The following WASHC4 variants were observed in gnomAD, a reference collection of about 807,000 sequenced individuals.
WASHC4 encodes the protein WASH complex subunit 7.
Under a neutral mutation model 166.6 loss-of-function variants are expected in WASHC4, and 86 were observed. The observed-to-expected ratio is 0.52, with a 90% confidence interval of 0.43 to 0.62. WASHC4 has a LOEUF of 0.62. WASHC4 is among the 20% of genes least tolerant of loss of function. WASHC4 has a pLI of 0.00. For missense variants in WASHC4, 1,262 were observed against 1,382.4 expected (o/e 0.91, Z 1.38); for synonymous variants, 446 against 451.6 (o/e 0.99, Z 0.16).
intron 27 of WASHC4, 72 bp from the exon 28 acceptor site, chr12:105,157,164 C>A: frequency 2.5e-6 from 2 of 796,342 alleles, no homozygotes; most frequent in Non-Finnish European, 2.2e-6. Flanking sequence ...TCCTGCAGTA[C>A]CACTTTTATA....
At chr12:105,122,329 T>A (rs539469320) in intron 10 of WASHC4, 91 bp downstream of exon 10, 9 of 1,331,334 alleles carry the variant, frequency 6.8e-6, no homozygotes, top group Non-Finnish European at 9.5e-6. Context: ...AATATACTGT[T>A]GAATATAATT....
chr12:105,166,609 C>A (rs1402741593), intron 32 of WASHC4, among the ~76,000 whole-genome samples: 1 of 152,032 alleles, frequency 6.6e-6, no homozygotes. Context: ...GAAGCCCCAC[C>A]CCAATACAGG....
intron 1 of WASHC4, among the ~76,000 whole-genome samples, chr12:105,109,292 A>G (rs1304989677): frequency 6.6e-6 from 1 of 152,140 alleles, no homozygotes; most frequent in Non-Finnish European, 1.5e-5. Context: ...ATTGGAATAG[A>G]GTTATGTTAA....
chr12:105,151,599 A>C (rs1378013589), intron 25 of WASHC4, among the ~76,000 whole-genome samples: 2 of 151,930 alleles, frequency 1.3e-5, no homozygotes, highest in African/African-American at 4.8e-5. Context: ...CTCCTGCCTC[A>C]GCCCCCTGAG....
rs958876294 is a variant in WASHC4, at chr12:105,115,346, A to AT, written c.367+123dup. ...TAGTGTGAGAAAAATAAGTATTCAT[A>AT]TTTTTTGTTGGTATGTTTGGTAAAC... On this transcript the variant is annotated intron_variant, in intron 5 of 32. Coordinates refer to ENST00000332180, the MANE Select transcript of WASHC4 (RefSeq NM_015275.3). 4 of 782,162 alleles carry AT rather than the reference A, an allele frequency of 5.1e-6. No individual in the cohort carries two copies. The African/African-American group carries it at 5.2e-5, about 10-fold the overall frequency. 48.5% of individuals were successfully genotyped at this position (782,162 alleles called of 1,614,324 possible).
intron 6 of WASHC4, among the ~76,000 whole-genome samples, chr12:105,116,885 G>C (rs1234007475): frequency 6.6e-6 from 1 of 152,132 alleles, no homozygotes; most frequent in Non-Finnish European, 1.5e-5. Flanking sequence ...GGATTGCCAG[G>C]ATCTGGGAGC....
At chr12:105,112,936 C>G (rs1173597006) in intron 2 of WASHC4, among the ~76,000 whole-genome samples, 1 of 152,096 alleles carries the variant, frequency 6.6e-6, no homozygotes, top group Non-Finnish European at 1.5e-5. Context: ...GACTCCAGAG[C>G]CTGTGCCCTT....
chr12:105,164,411 C>CA, intron 31 of WASHC4, 104 bp downstream of exon 31: 2 of 1,031,670 alleles, frequency 1.9e-6, no homozygotes, highest in Non-Finnish European at 3.0e-6. Context: ...ACCATTTTCA[C>CA]AAGTGAGATG....
chr12:105,148,851 T>C lies in WASHC4; in HGVS notation c.2515-764T>C, dbSNP rs150223486. The stretch of plus-strand genomic sequence containing the variant: ...TGCCTGTAGGTTGGAATTAATCTTT[T>C]GCTATTTCCATCTGTAGGTTAGAAT... On this transcript the variant is annotated intron_variant, in intron 24 of 32. Coordinates refer to ENST00000332180, the MANE Select transcript of WASHC4 (RefSeq NM_015275.3). 3,938 of 985,316 alleles carry C rather than the reference T, an allele frequency of 4.0e-3. 9 individuals carry two copies. The highest frequency in any genetic ancestry group is 4.4e-3 in the Non-Finnish European group (3,633 of 829,826). 61.0% of individuals were successfully genotyped at this position (985,316 alleles called of 1,614,324 possible). A position where few individuals can be genotyped will look rare whatever the true frequency, so the allele number is the denominator to read the frequency against.
intron 13 of WASHC4, among the ~76,000 whole-genome samples, chr12:105,129,000 C>T (rs60887341): frequency 0.058 from 8,607 of 149,608 alleles, 850 homozygotes; most frequent in African/African-American, 0.2. Context: ...GGCTGGAGTG[C>T]AGTGGTGTGA....
At chr12:105,116,431 G>T (rs139598757) in intron 6 of WASHC4, among the ~76,000 whole-genome samples, 1,746 of 152,158 alleles carry the variant, frequency 0.011, 59 homozygotes, top group Admixed American at 0.073. Context: ...TTCATATTGT[G>T]ATATGTGTTA....
chr12:105,141,460 C>T (rs376061095), intron 18 of WASHC4, among the ~76,000 whole-genome samples: 1 of 152,186 alleles, frequency 6.6e-6, no homozygotes, highest in African/African-American at 2.4e-5. Flanking sequence ...TAGAAAAACT[C>T]ACATGAGAAA....
intron 26 of WASHC4, 77 bp from the exon 27 acceptor site, chr12:105,156,649 T>C: frequency 8.3e-7 from 1 of 1,198,958 alleles, no homozygotes; most frequent in South Asian, 1.3e-5. Context: ...TGTAATTTAC[T>C]ACTGTATGTA....
At chr12:105,131,303 G>A (rs943062661) in intron 13 of WASHC4, among the ~76,000 whole-genome samples, 6 of 150,864 alleles carry the variant, frequency 4.0e-5, no homozygotes, top group African/African-American at 1.5e-4. Flanking sequence ...AGCCAGGATG[G>A]TCTCGATCTC....
chr12:105,151,170 A>G (rs12823030), intron 25 of WASHC4, among the ~76,000 whole-genome samples: 4 of 135,560 alleles, frequency 3.0e-5, no homozygotes, highest in Non-Finnish European at 4.8e-5. Context: ...AAAAAAAAAA[A>G]GAACGCCGTT....
chr12:105,127,326 A>G (rs774251446), intron 13 of WASHC4, 37 bp downstream of exon 13: 6 of 1,368,068 alleles, frequency 4.4e-6, no homozygotes, highest in East Asian at 4.6e-5. Flanking sequence ...AAATATTTAG[A>G]TATCCTTTAT....
Position 105,141,247 on chromosome 12 carries a change from G to GT in WASHC4, c.1787+2dup, listed in dbSNP as rs1211137829. ...ATCTTATTAGTGAACTTAGAGAACG[G>GT]TAAGTAGGACTGGGATATGCTGTGG... On this transcript the variant is annotated splice_donor_variant, in intron 18 of 32. Coordinates refer to ENST00000332180, the MANE Select transcript of WASHC4 (RefSeq NM_015275.3). LOFTEE classifies it high-confidence loss of function. 2 of 1,588,550 alleles carry GT rather than the reference G, an allele frequency of 1.3e-6. No individual in the cohort carries two copies. Among genetic ancestry groups the GT allele is most frequent in the Non-Finnish European group, 1.7e-6 (2 of 1,156,840 alleles).
In WASHC4 at chr12:105,143,150, C is replaced by A. The variant is rs1883009189; in HGVS notation, c.1917C>A (p.Asp639Glu). The change falls in exon 20 of 33, where the codon GAC becomes GAA. Residue 639 changes from aspartate to glutamate, a missense_variant. By Grantham distance (45) the Asp-to-Glu change is conservative. Transcript: ENST00000332180. ...AGTACATGTTCAGTGCTTTGCGCGA[C>A]TGTGTACCTGCTATGATGCATGCAA... Reference protein sequence around the residue: ...RLHYMFSALRDCVPAMMHARH... With the variant: ...RLHYMFSALRECVPAMMHARH... 2.5e-6 allele frequency: 4 copies of A among 1,610,398 alleles called. No individual in the cohort carries two copies. The highest frequency in any genetic ancestry group is 3.4e-6 in the Non-Finnish European group (4 of 1,177,036).
Position 105,136,830 on chromosome 12 carries a change from T to G in WASHC4, c.1327-1056T>G, listed in dbSNP as rs527799422. Among the ~76,000 whole-genome samples the G allele has an allele frequency of 3.9e-5, 6 of 152,304 alleles. No individual in the cohort carries two copies. The East Asian group carries it at 7.7e-4, about 20-fold the overall frequency. ...TATCCTCTCTTTGATTTTTTCATTTTCTTAATTTAGCATGTCTCTTCGCCA... is the reference window on the plus strand; with the variant it reads ...TATCCTCTCTTTGATTTTTTCATTTGCTTAATTTAGCATGTCTCTTCGCCA... On this transcript the variant is annotated intron_variant, in intron 14 of 32. Transcript: ENST00000332180.
Sources: gnomAD v4.1 joint callset for allele counts (sites outside exome capture counted in the v4.1 genomes callset) on GRCh38, gnomAD v4.1.1 for gene constraint, MANE v1.5 for transcripts, NCBI Gene and HGNC (gene_info 2026-07-23, HGNC 2026-07-21) for gene names.